The following TNFAIP2 variants were observed in gnomAD, a reference collection of about 807,000 sequenced individuals.
TNFAIP2 encodes the protein tumor necrosis factor alpha-induced protein 2.
TNFAIP2 carries 47 observed loss-of-function variants against 63.5 expected under a neutral mutation model. That is an observed-to-expected ratio of 0.74 (90% CI 0.59 to 0.94). TNFAIP2 has a LOEUF of 0.94. Ranked by LOEUF, TNFAIP2 falls within the 40% of genes least tolerant of loss-of-function variation. The pLI, the probability that TNFAIP2 is intolerant of heterozygous loss-of-function variation, is 0.00. For synonymous variants in TNFAIP2, 405 were observed against 390.2 expected (o/e 1.04, Z -0.45); for missense variants, 787 against 850.2 (o/e 0.93, Z 0.92).
chr14:103,130,302 C>A lies in TNFAIP2; in HGVS notation c.1099-13C>A. On this transcript the variant is annotated splice_polypyrimidine_tract_variant and intron_variant, in intron 5 of 11. Transcript: ENST00000560869. ...GCGAGCCCCTGCTCAGCTCACCCAC[C>A]ACCACCCTGCAGATCACCTCCCAGG... The A allele has an allele frequency of 6.5e-7, 1 of 1,550,000 alleles. No homozygotes were observed. Among genetic ancestry groups the A allele is most frequent in the African/African-American group, 1.4e-5 (1 of 73,402 alleles).
Position 103,127,448 on chromosome 14 carries a change from G to A in TNFAIP2, c.679G>A (p.Asp227Asn). 6.3e-7 allele frequency: 1 copy of A among 1,588,488 alleles called. No homozygotes were observed. The highest frequency in any genetic ancestry group is 1.7e-5 in the Admixed American group (1 of 58,274). The change falls in exon 3 of 12, where the codon GAC becomes AAC. Residue 227 changes from aspartate (D) to asparagine (N), a missense_variant. Asp to Asn is a conservative substitution (Grantham distance 23, BLOSUM62 1). Around this residue, in one of 3 missense-constraint regions of TNFAIP2, gnomAD observed 523 missense variants for 604.1 expected, o/e 0.87. Coordinates refer to ENST00000560869, the MANE Select transcript of TNFAIP2 (RefSeq NM_006291.4). The surrounding 1 kb of genome is among the most constrained non-coding windows in gnomAD (Gnocchi z 5.1). The part of the protein sequence containing the change: ...FLHLGRTMKE[D>N]LEAVVERLKP... ...GCACTTGGGCCGCACCATGAAGGAG[G>A]ACCTGGAGGCCGTGGTGGAGCGGCT...
rs1352894269 is a variant in TNFAIP2 at position 103,127,652 on chromosome 14, C to T, written c.860+23C>T. 3.8e-5 allele frequency: 55 copies of T among 1,443,734 alleles called. No individual in the cohort carries two copies. Among genetic ancestry groups the T allele is most frequent in the Non-Finnish European group, 5.0e-5 (55 of 1,096,052 alleles). The allele number at this position is 1,443,734 out of a possible 1,614,324, so 89.4% of individuals were successfully genotyped here. On this transcript the variant is annotated intron_variant, in intron 3 of 11. Coordinates refer to ENST00000560869, the MANE Select transcript of TNFAIP2 (RefSeq NM_006291.4). The surrounding 1 kb of genome is among the most constrained non-coding windows in gnomAD (Gnocchi z 5.1). ...CAAGTGAGCAGACCAGGGGCTGGGC[C>T]CGGGCCGGCAGGGAGGGTGTCCTCT...
intron 8 of TNFAIP2, among the ~76,000 whole-genome samples, chr14:103,132,098 T>G (rs2087989328): frequency 7.6e-6 from 1 of 132,400 alleles, no homozygotes; most frequent in Non-Finnish European, 1.6e-5. Flanking sequence ...CCCTCCCCGA[T>G]TCAGACACAG....
Position 103,135,475 on chromosome 14 carries a change from A to C in TNFAIP2, c.*115A>C. ...TTCCTCCCGGGTCTCCTGTGCTCTG[A>C]TGCTACTTCTGCCTAGCCCTGGCGG... On this transcript the variant is annotated 3_prime_UTR_variant, in exon 12 of 12. Transcript: ENST00000560869. The surrounding 1 kb of genome is among the most constrained non-coding windows in gnomAD (Gnocchi z 7.6). 1 of 1,504,378 alleles carries C rather than the reference A, an allele frequency of 6.6e-7. No homozygotes were observed. Among genetic ancestry groups the C allele is most frequent in the Non-Finnish European group, 8.8e-7 (1 of 1,136,062 alleles). 93.2% of individuals were successfully genotyped at this position (1,504,378 alleles called of 1,614,324 possible). A position where few individuals can be genotyped will look rare whatever the true frequency, so the allele number is the denominator to read the frequency against.
Position 103,127,297 on chromosome 14 carries a change from G to A in TNFAIP2, c.528G>A (p.Ser176=). 3.0e-6 allele frequency: 3 copies of A among 988,458 alleles called. No individual in the cohort carries two copies. Among genetic ancestry groups the A allele is most frequent in the Non-Finnish European group, 3.6e-6 (3 of 833,534 alleles). 61.2% of individuals were successfully genotyped at this position (988,458 alleles called of 1,614,324 possible). ...CGGCGGCGGCGGGGCCGGGGACCTCGGGGCTGGCGGCCACGCGCCCGCGGC... is the reference window on the plus strand; with the variant it reads ...CGGCGGCGGCGGGGCCGGGGACCTCAGGGCTGGCGGCCACGCGCCCGCGGC... ...RQAAAAGPGT[S]GLAATRPRRW... Residue 176 remains serine, a synonymous_variant, in exon 3 of 12, where the codon TCG becomes TCA. Coordinates refer to ENST00000560869, the MANE Select transcript of TNFAIP2 (RefSeq NM_006291.4). The surrounding 1 kb of genome is among the most constrained non-coding windows in gnomAD (Gnocchi z 5.1).
At position 103,135,935 on chromosome 14, in the gene TNFAIP2, G is replaced by A. The variant is rs544961698; in HGVS notation, c.*575G>A. 40 of 1,289,836 alleles carry A rather than the reference G, an allele frequency of 3.1e-5. No individual in the cohort carries two copies. Among genetic ancestry groups the A allele is most frequent in the Middle Eastern group, 2.1e-4 (1 of 4,692 alleles). 79.9% of individuals were successfully genotyped at this position (1,289,836 alleles called of 1,614,324 possible). A position where few individuals can be genotyped will look rare whatever the true frequency, so the allele number is the denominator to read the frequency against. ...GGTCCTGTGGCGAGCTGTGAGCACC[G>A]CCAGCATTAGACGTCACATCCAGGT... On this transcript the variant is annotated 3_prime_UTR_variant, in exon 12 of 12. Transcript: ENST00000560869. This position sits in a 1 kb window ranked among gnomAD's most constrained non-coding sequence, Gnocchi z 7.6.
At chr14:103,132,394 C>T (rs1253209098) in intron 8 of TNFAIP2, among the ~76,000 whole-genome samples, 1 of 152,150 alleles carries the variant, frequency 6.6e-6, no homozygotes, top group African/African-American at 2.4e-5. Context: ...CGAGCGGTGA[C>T]CCCACATCCC....
intron 2 of TNFAIP2, 61 bp downstream of exon 2, chr14:103,126,753 C>A: frequency 1.3e-6 from 2 of 1,486,354 alleles, no homozygotes; most frequent in Non-Finnish European, 1.8e-6. Flanking sequence ...CGCTCATCCG[C>A]GTGAGTGAGC....
At position 103,126,504 on chromosome 14, in the gene TNFAIP2, G is replaced by A. The variant is rs776997155; in HGVS notation, c.47G>A (p.Gly16Glu). ...GACCTGGTGCCACCCCTGGAGGCTG[G>A]GGCAGCCCCATATAGGGAGGAGGAA... ...SEDLVPPLEA[G>E]AAPYREEEEA... is the part of the protein sequence containing the mutation. Residue 16 changes from glycine (G) to glutamate (E), a missense_variant, in exon 2 of 12, where the codon GGG (glycine) becomes GAG (glutamate). By Grantham distance (98) the Gly-to-Glu change is moderately conservative. Transcript: ENST00000560869. The A allele has an allele frequency of 1.9e-6, 3 of 1,593,552 alleles. No individual in the cohort carries two copies. In the East Asian group the frequency reaches 6.8e-5, roughly 36 times the overall value.
In TNFAIP2 at chr14:103,135,559, G is replaced by A. The variant is rs757680261; in HGVS notation, c.*199G>A. ...CCTTGGTTTGTTTACATGTCCGATG[G>A]GGGCAGGAGCTCCCATCCTGGGCAG... On this transcript the variant is annotated 3_prime_UTR_variant, in exon 12 of 12. Coordinates refer to ENST00000560869, the MANE Select transcript of TNFAIP2 (RefSeq NM_006291.4). This position sits in a 1 kb window ranked among gnomAD's most constrained non-coding sequence, Gnocchi z 7.6. 8.4e-6 allele frequency: 12 copies of A among 1,431,364 alleles called. No individual in the cohort carries two copies. Among genetic ancestry groups the A allele is most frequent in the African/African-American group, 4.3e-5 (3 of 69,716 alleles). 88.7% of individuals were successfully genotyped at this position (1,431,364 alleles called of 1,614,324 possible).
At chr14:103,122,638 G>T (rs942235285), upstream of TNFAIP2, 1 of 455,894 alleles carries the variant, frequency 2.2e-6, no homozygotes, top group Non-Finnish European at 4.4e-6. Context: ...GGGGAGACAG[G>T]CCTGGAAACG....
chr14:103,135,530 C>T lies in TNFAIP2; in HGVS notation c.*170C>T. On this transcript the variant is annotated 3_prime_UTR_variant, in exon 12 of 12. Transcript: ENST00000560869. This position sits in a 1 kb window ranked among gnomAD's most constrained non-coding sequence, Gnocchi z 7.6. ...GCAGGCCCTGTCAGCTGGAACTGGACAGACCTTGGTTTGTTTACATGTCCG... is the reference window on the plus strand; with the variant it reads ...GCAGGCCCTGTCAGCTGGAACTGGATAGACCTTGGTTTGTTTACATGTCCG... 2.0e-6 allele frequency: 3 copies of T among 1,470,158 alleles called. No individual in the cohort carries two copies. Among genetic ancestry groups the T allele is most frequent in the Middle Eastern group, 3.9e-4 (2 of 5,100 alleles). 91.1% of individuals were successfully genotyped at this position (1,470,158 alleles called of 1,614,324 possible).
chr14:103,131,475 G>T lies in TNFAIP2; in HGVS notation c.1299-164G>T, dbSNP rs1244032163. On this transcript the variant is annotated intron_variant, in intron 7 of 11. Transcript: ENST00000560869. This position sits in a 1 kb window ranked among gnomAD's most constrained non-coding sequence, Gnocchi z 4.0. ...CCAGTTACAAGGGGATGTAGTGGAG[G>T]AGTGTCCTGAGGGCATGGAGAACAT... 6.6e-6 allele frequency among the ~76,000 whole-genome samples: 1 copy of T among 152,158 alleles called. No individual in the cohort carries two copies. The highest frequency in any genetic ancestry group is 2.4e-5 in the African/African-American group (1 of 41,436).
Position 103,127,536 on chromosome 14 carries a change from A to C in TNFAIP2, c.767A>C (p.His256Pro), listed in dbSNP as rs765218881. 1.3e-6 allele frequency: 2 copies of C among 1,588,034 alleles called. No homozygotes were observed. The highest frequency in any genetic ancestry group is 1.7e-6 in the Non-Finnish European group (2 of 1,174,224). ...VAAYAESYHQ[H>P]FAAHLAAVAQ... ...GCCTACGCCGAGAGCTACCACCAGC[A>C]CTTCGCGGCCCACCTGGCCGCCGTG... is the stretch of plus-strand genomic sequence containing the variant. The change falls in exon 3 of 12, where the codon CAC becomes CCC. Residue 256 changes from histidine (H) to proline (P), a missense_variant. His to Pro is a moderately conservative substitution (Grantham distance 77). Around this residue, in one of 3 missense-constraint regions of TNFAIP2, gnomAD observed 523 missense variants for 604.1 expected, o/e 0.87. Coordinates refer to ENST00000560869, the MANE Select transcript of TNFAIP2 (RefSeq NM_006291.4). This position sits in a 1 kb window ranked among gnomAD's most constrained non-coding sequence, Gnocchi z 5.1.
In TNFAIP2 at chr14:103,131,222, A is replaced by G; in HGVS notation, c.1298+72A>G. The G allele has an allele frequency of 6.5e-7, 1 of 1,532,952 alleles. No homozygotes were observed. Among genetic ancestry groups the G allele is most frequent in the Non-Finnish European group, 9.0e-7 (1 of 1,109,518 alleles). 95.0% of individuals were successfully genotyped at this position (1,532,952 alleles called of 1,614,324 possible). On this transcript the variant is annotated intron_variant, in intron 7 of 11. Transcript: ENST00000560869. The surrounding 1 kb of genome is among the most constrained non-coding windows in gnomAD (Gnocchi z 4.0). ...GCAGGAGAGGGGAGCTGGAAGGTGG[A>G]GGGAGGAGGAGCTGCTTAGGCCAAG...
At position 103,130,100 on chromosome 14, in the gene TNFAIP2, C is replaced by T. The variant is rs377538302; in HGVS notation, c.1074C>T (p.Ser358=). The T allele has an allele frequency of 5.6e-6, 9 of 1,613,182 alleles. No individual in the cohort carries two copies. Among genetic ancestry groups the T allele is most frequent in the South Asian group, 2.2e-5 (2 of 91,038 alleles). The stretch of plus-strand genomic sequence containing the variant: ...AGAGGCTGGACGGCCACTGCCACAG[C>T]GAGCTGGCCATCGACATCATCCAGG... ...PPQRLDGHCH[S]ELAIDIIQIT... The change falls in exon 5 of 12, where the codon AGC becomes AGT. Residue 358 remains serine (S), a synonymous_variant. Coordinates refer to ENST00000560869, the MANE Select transcript of TNFAIP2 (RefSeq NM_006291.4).
chr14:103,133,706 C>G lies in TNFAIP2; in HGVS notation c.1726C>G (p.Pro576Ala). The change falls in exon 11 of 12, where the codon CCT becomes GCT. Residue 576 changes from proline (P) to alanine (A), a missense_variant. Physicochemically the swap from Pro to Ala is conservative, Grantham distance 27. Coordinates refer to ENST00000560869, the MANE Select transcript of TNFAIP2 (RefSeq NM_006291.4). ...QHGSPATWLQ[P>A]ALPTLAEIIR... The stretch of plus-strand genomic sequence containing the variant: ...GGGCTCCCCGGCGACCTGGCTGCAG[C>G]CTGCTCTCCCTACGCTGGCCGAGAT... 1 of 1,581,436 alleles carries G rather than the reference C, an allele frequency of 6.3e-7. No individual in the cohort carries two copies. Among genetic ancestry groups the G allele is most frequent in the Non-Finnish European group, 8.6e-7 (1 of 1,168,028 alleles).
At chr14:103,130,933 G>T in intron 6 of TNFAIP2, 119 bp from the exon 7 acceptor site, 1 of 1,014,960 alleles carries the variant, frequency 9.9e-7, no homozygotes, top group South Asian at 1.5e-5. Context: ...CCCCTCCCTT[G>T]GCTATGGGCA....
Position 103,131,249 on chromosome 14 carries a change from A to C in TNFAIP2, c.1298+99A>C, listed in dbSNP as rs1195598112. The C allele has an allele frequency of 7.6e-7, 1 of 1,320,586 alleles. No homozygotes were observed. Among genetic ancestry groups the C allele is most frequent in the Non-Finnish European group, 1.1e-6 (1 of 928,998 alleles). 81.8% of individuals were successfully genotyped at this position (1,320,586 alleles called of 1,614,324 possible). On this transcript the variant is annotated intron_variant, in intron 7 of 11. Coordinates refer to ENST00000560869, the MANE Select transcript of TNFAIP2 (RefSeq NM_006291.4). This position sits in a 1 kb window ranked among gnomAD's most constrained non-coding sequence, Gnocchi z 4.0. ...GGAGGAGGAGCTGCTTAGGCCAAGA[A>C]GTGGAATTCAAACCAGCAACATGTG...
Sources: allele counts gnomAD v4.1 joint callset (sites outside exome capture counted in the v4.1 genomes callset), GRCh38; gene constraint gnomAD v4.1.1; regional missense constraint gnomAD v4.1.1; non-coding constraint Gnocchi (gnomAD v3.1); transcripts MANE v1.5; gene names NCBI Gene and HGNC (gene_info 2026-07-23, HGNC 2026-07-21).